The following ADK variants were observed in gnomAD, a reference collection of about 807,000 sequenced individuals.
ADK encodes the protein adenosine kinase.
A neutral mutation model predicts 44.7 loss-of-function variants in ADK; 24 were observed. That is an observed-to-expected ratio of 0.54 (90% CI 0.39 to 0.76). ADK has a LOEUF of 0.76. ADK is among the 30% of genes least tolerant of loss of function. The pLI is 0.00. For synonymous variants in ADK, 128 were observed against 142.6 expected, an observed-to-expected ratio of 0.90 and a Z score of 0.73; for missense variants, 321 against 425.1, an observed-to-expected ratio of 0.76 and a Z score of 2.15.
intron 3 of ADK, among the ~76,000 whole-genome samples, chr10:74,303,938 C>T (rs1840164162): frequency 2.7e-5 from 4 of 149,348 alleles, no homozygotes; most frequent in Non-Finnish European, 5.9e-5. Context: ...CATTGCACTC[C>T]AGCCTGGGCA....
chr10:74,595,278 C>T (rs966334482), intron 8 of ADK, among the ~76,000 whole-genome samples: 2 of 149,156 alleles, frequency 1.3e-5, no homozygotes, highest in Non-Finnish European at 3.0e-5. Context: ...GTCTGGTGCT[C>T]TTTACTATAA....
At chr10:74,388,187 G>A (rs1406862488) in intron 4 of ADK, among the ~76,000 whole-genome samples, 15 of 152,198 alleles carry the variant, frequency 9.9e-5, no homozygotes, top group Non-Finnish European at 1.9e-4. Context: ...GATTACAGGC[G>A]TGAGCCACTG....
intron 4 of ADK, among the ~76,000 whole-genome samples, chr10:74,376,350 C>T (rs1300260165): frequency 1.3e-5 from 2 of 151,972 alleles, no homozygotes; most frequent in Non-Finnish European, 2.9e-5. Context: ...GTTTTCTTAT[C>T]ATATATCAAG....
intron 2 of ADK, among the ~76,000 whole-genome samples, chr10:74,217,389 A>G (rs1400047882): frequency 1.3e-5 from 2 of 152,250 alleles, no homozygotes; most frequent in African/African-American, 4.8e-5. Flanking sequence ...GGTGGAGCCC[A>G]CCACAGCTCA....
chr10:74,595,997 CAAAAAA>C (rs35924345), intron 8 of ADK, among the ~76,000 whole-genome samples: 1 of 62,704 alleles, frequency 1.6e-5, no homozygotes, highest in Admixed American at 1.7e-4. Flanking sequence ...AATTCCATCT[CAAAAAA>C]AAAAAAAAAA....
chr10:74,378,387 C>T (rs904614734), intron 4 of ADK, among the ~76,000 whole-genome samples: 1 of 151,938 alleles, frequency 6.6e-6, no homozygotes, highest in Non-Finnish European at 1.5e-5. Flanking sequence ...TAGGCCATAA[C>T]AGTTAAAAAA....
At chr10:74,537,680 A>C in intron 7 of ADK, among the ~76,000 whole-genome samples, 1 of 152,202 alleles carries the variant, frequency 6.6e-6, no homozygotes, top group South Asian at 2.1e-4. Flanking sequence ...TTAACCTGCA[A>C]GGATTAAGTA....
intron 1 of ADK, among the ~76,000 whole-genome samples, chr10:74,175,197 A>G (rs1842288113): frequency 6.6e-6 from 1 of 152,240 alleles, no homozygotes. Flanking sequence ...CCTGGCCAAC[A>G]TGGTGAAACT....
At chr10:74,302,465 C>T (rs1293019029) in intron 3 of ADK, among the ~76,000 whole-genome samples, 1 of 151,432 alleles carries the variant, frequency 6.6e-6, no homozygotes, top group Non-Finnish European at 1.5e-5. Context: ...TCTCAGAGTG[C>T]TTTACTTTTG....
At position 74,403,390 on chromosome 10, in the gene ADK, A is replaced by G. The variant is rs189747253; in HGVS notation, c.555+4811A>G. Among the ~76,000 whole-genome samples, 12 of 152,198 alleles carry G rather than the reference A, an allele frequency of 7.9e-5. No homozygotes were observed. In the East Asian group the frequency reaches 2.1e-3, roughly 27 times the overall value. On this transcript the variant is annotated intron_variant, in intron 6 of 10. Transcript: ENST00000539909. ...GCCTCCTTGAGCTGCTGTGGGCTCT[A>G]CCTAGTTCGAGCTTCCTGGCCGCTT...
At chr10:74,433,898 G>A (rs185247597) in intron 6 of ADK, among the ~76,000 whole-genome samples, 2 of 152,110 alleles carry the variant, frequency 1.3e-5, no homozygotes, top group African/African-American at 2.4e-5. Context: ...TTAAATTGGA[G>A]GTGAGGAAGA....
Position 74,305,816 on chromosome 10 carries a change from T to C in ADK, c.195-8851T>C, listed in dbSNP as rs539544778. 2.0e-5 allele frequency among the ~76,000 whole-genome samples: 3 copies of C among 152,286 alleles called. 1 individual carries two copies. In the South Asian group the frequency reaches 6.2e-4, roughly 32 times the overall value. ...ATCTCAGTTCACTACAGCATCAAACTCTTGGACTGAAGTGATCGTCCTGCC... is the reference window on the plus strand; with the variant it reads ...ATCTCAGTTCACTACAGCATCAAACCCTTGGACTGAAGTGATCGTCCTGCC... On this transcript the variant is annotated intron_variant, in intron 3 of 10. Coordinates refer to ENST00000539909, the MANE Select transcript of ADK (RefSeq NM_006721.4).
At chr10:74,153,867 T>C (rs539811933) in intron 1 of ADK, among the ~76,000 whole-genome samples, 45 of 152,344 alleles carry the variant, frequency 3.0e-4, no homozygotes, top group African/African-American at 1.1e-3. Context: ...CCAAGGCTTG[T>C]TGAGCACGTG....
At chr10:74,404,436 C>T (rs1291389112) in intron 6 of ADK, among the ~76,000 whole-genome samples, 1 of 152,072 alleles carries the variant, frequency 6.6e-6, no homozygotes, top group Non-Finnish European at 1.5e-5. Flanking sequence ...AGAGGGCATT[C>T]TTTAACATCT....
intron 6 of ADK, among the ~76,000 whole-genome samples, chr10:74,482,805 CTCTATG>C (rs1847121387): frequency 6.6e-6 from 1 of 152,242 alleles, no homozygotes; most frequent in Non-Finnish European, 1.5e-5. Context: ...TAATCTTTGA[CTCTATG>C]TCTCACATTC....
At chr10:74,624,592 A>AT (rs990804919) in intron 9 of ADK, among the ~76,000 whole-genome samples, 3 of 152,064 alleles carry the variant, frequency 2.0e-5, no homozygotes, top group Admixed American at 1.3e-4. Flanking sequence ...TTTGTAAGTA[A>AT]TTTACATGGT....
At position 74,167,004 on chromosome 10, in the gene ADK, C is replaced by G. The variant is rs188725469; in HGVS notation, c.65+15661C>G. Among the ~76,000 whole-genome samples, 60 of 152,166 alleles carry G rather than the reference C, an allele frequency of 3.9e-4. No individual in the cohort carries two copies. The East Asian group carries it at 0.011, about 29-fold the overall frequency. On this transcript the variant is annotated intron_variant, in intron 1 of 10. Coordinates refer to ENST00000539909, the MANE Select transcript of ADK (RefSeq NM_006721.4). ...AAAATGTTTTCCAGACTACATGAGC[C>G]TTTTTGAGTATTGCACAAGTGGTAT...
At chr10:74,561,360 C>T (rs959065188) in intron 7 of ADK, among the ~76,000 whole-genome samples, 4 of 152,142 alleles carry the variant, frequency 2.6e-5, no homozygotes, top group African/African-American at 9.7e-5. Flanking sequence ...GGCTAAGATT[C>T]TTTGTTCATT....
chr10:74,417,866 A>G (rs1349887642), intron 6 of ADK, among the ~76,000 whole-genome samples: 2 of 152,004 alleles, frequency 1.3e-5, no homozygotes, highest in Non-Finnish European at 2.9e-5. Flanking sequence ...TTTTTCTCTT[A>G]TAGATTATTA....
Sources: allele counts gnomAD v4.1 joint callset (sites outside exome capture counted in the v4.1 genomes callset), GRCh38; gene constraint gnomAD v4.1.1; transcripts MANE v1.5; gene names NCBI Gene and HGNC (gene_info 2026-07-23, HGNC 2026-07-21).